The following PDE4D variants were observed in gnomAD, a reference collection of about 807,000 sequenced individuals.
PDE4D encodes 3',5'-cyclic-AMP phosphodiesterase 4D.
A neutral mutation model predicts 87.4 loss-of-function variants in PDE4D; 24 were observed. That is an observed-to-expected ratio of 0.27 (90% confidence interval 0.20 to 0.39). The LOEUF (loss-of-function observed/expected upper bound fraction) is 0.39, where lower values mean the gene tolerates loss of function less well. Among genes scored for constraint, PDE4D ranks in the 10% least tolerant of loss-of-function variants. PDE4D has a pLI of 1.00. For missense variants in PDE4D, 714 were observed against 1,041.0 expected, an observed-to-expected ratio of 0.69 and a Z score of 4.32; for synonymous variants, 384 against 383.2, an observed-to-expected ratio of 1.00 and a Z score of -0.02.
At chr5:59,821,448 T>A (rs1260790996) in intron 1 of PDE4D, among the ~76,000 whole-genome samples, 1 of 148,432 alleles carries the variant, frequency 6.7e-6, no homozygotes, top group African/African-American at 2.6e-5. Context: ...CACACTTACA[T>A]TGAATGAATA....
intron 5 of PDE4D, among the ~76,000 whole-genome samples, chr5:59,055,327 T>G (rs1225764339): frequency 6.6e-6 from 1 of 152,140 alleles, no homozygotes; most frequent in Non-Finnish European, 1.5e-5. Flanking sequence ...TAATAATAAT[T>G]ATTATGATAT....
At chr5:59,414,174 C>T (rs966081451) in intron 1 of PDE4D, among the ~76,000 whole-genome samples, 2 of 152,178 alleles carry the variant, frequency 1.3e-5, no homozygotes, top group African/African-American at 4.8e-5. Flanking sequence ...CCAGTGCACA[C>T]GTTATTCTTA....
chr5:60,287,841 T>C (rs1752547798), intron 1 of PDE4D, among the ~76,000 whole-genome samples: 3 of 152,198 alleles, frequency 2.0e-5, no homozygotes, highest in South Asian at 4.1e-4. Flanking sequence ...ATATTTTATT[T>C]GATTATTGCT....
chr5:59,516,582 T>C (rs888401640), intron 1 of PDE4D, among the ~76,000 whole-genome samples: 1 of 152,204 alleles, frequency 6.6e-6, no homozygotes, highest in Non-Finnish European at 1.5e-5. Flanking sequence ...TTTTTAAGAA[T>C]CATTCTTTTC....
intron 1 of PDE4D, among the ~76,000 whole-genome samples, chr5:59,771,398 A>G (rs1763421590): frequency 6.7e-6 from 1 of 149,718 alleles, no homozygotes; most frequent in African/African-American, 2.5e-5. Flanking sequence ...ACAGAGCGAG[A>G]CTCCATCTCA....
intron 5 of PDE4D, among the ~76,000 whole-genome samples, chr5:59,136,865 C>T (rs1777149682): frequency 6.6e-6 from 1 of 152,156 alleles, no homozygotes; most frequent in Admixed American, 6.5e-5. Flanking sequence ...AAGATCACTG[C>T]AATTTTCAAA....
chr5:59,907,085 G>A (rs950122730), intron 3 of PDE4D, among the ~76,000 whole-genome samples: 1 of 152,094 alleles, frequency 6.6e-6, no homozygotes, highest in Non-Finnish European at 1.5e-5. Flanking sequence ...GCGGGAACAC[G>A]GATGGAGTTG....
In PDE4D at chr5:58,974,589, TTGTGGCA is replaced by T; in HGVS notation, c.*68_*74del. The T allele has an allele frequency of 4.4e-6, 6 of 1,362,006 alleles. No homozygotes were observed. The highest frequency in any genetic ancestry group is 6.0e-6 in the Non-Finnish European group (6 of 999,836). 84.4% of individuals were successfully genotyped at this position (1,362,006 alleles called of 1,614,324 possible). A position where few individuals can be genotyped will look rare whatever the true frequency, so the allele number is the denominator to read the frequency against. Reference sequence around the variant, plus strand: ...AGATGACAGTGAGGTGTGACCGTGGTTGTGGCATGTGACATGCACTTTGGAAACAATT... The same window carrying T: ...AGATGACAGTGAGGTGTGACCGTGGTTGTGACATGCACTTTGGAAACAATT... On this transcript the variant is annotated 3_prime_UTR_variant, in exon 15 of 15. Coordinates refer to ENST00000340635, the MANE Select transcript of PDE4D (RefSeq NM_001104631.2).
chr5:60,374,250 C>T (rs1314216776), intron 1 of PDE4D, among the ~76,000 whole-genome samples: 1 of 152,036 alleles, frequency 6.6e-6, no homozygotes, highest in Non-Finnish European at 1.5e-5. Flanking sequence ...CTCCTACATG[C>T]CTATAAATTC....
intron 1 of PDE4D, among the ~76,000 whole-genome samples, chr5:60,409,872 G>A (rs1182570150): frequency 8.3e-5 from 11 of 132,340 alleles, no homozygotes; most frequent in Non-Finnish European, 1.6e-5. Flanking sequence ...CTCATCCCAG[G>A]AGTGTGAGAA....
rs145653788 is a variant in PDE4D at position 59,917,509 on chromosome 5, C to G, written c.272+70979G>C. Among the ~76,000 whole-genome samples, 348 of 152,302 alleles carry G rather than the reference C, an allele frequency of 2.3e-3. 1 individual carries two copies. The highest frequency in any genetic ancestry group is 8.0e-3 in the African/African-American group (332 of 41,546). On this transcript the variant is annotated intron_variant, in intron 3 of 16. Transcript: ENST00000502484. ...GCCAGTAAACTGTGATACAGAAGACCTGGACTCCAATCCCAATTTTAGGAT... is the reference window on the plus strand; with the variant it reads ...GCCAGTAAACTGTGATACAGAAGACGTGGACTCCAATCCCAATTTTAGGAT...
chr5:59,179,231 C>T (rs1020966710), intron 5 of PDE4D, among the ~76,000 whole-genome samples: 8 of 152,076 alleles, frequency 5.3e-5, no homozygotes, highest in Non-Finnish European at 1.0e-4. Flanking sequence ...CTCAGATTCC[C>T]GAGTAGCTTG....
At chr5:59,429,535 T>A (rs1795799026) in intron 1 of PDE4D, among the ~76,000 whole-genome samples, 2 of 152,098 alleles carry the variant, frequency 1.3e-5, no homozygotes, top group African/African-American at 4.8e-5. Flanking sequence ...GTAATGACAG[T>A]TTCCAAGTAA....
chr5:59,729,137 A>C (rs1245489378), intron 1 of PDE4D, among the ~76,000 whole-genome samples: 1 of 152,136 alleles, frequency 6.6e-6, no homozygotes, highest in Non-Finnish European at 1.5e-5. Context: ...TTCTGAACAG[A>C]ATAATTCCAG....
intron 6 of PDE4D, among the ~76,000 whole-genome samples, chr5:59,031,415 T>A (rs75841087): frequency 1.3e-3 from 126 of 93,548 alleles, no homozygotes; most frequent in African/African-American, 4.4e-3. Flanking sequence ...TATATATATA[T>A]AGATTATACA....
chr5:60,130,232 A>G (rs1285421684), intron 2 of PDE4D, among the ~76,000 whole-genome samples: 1 of 152,200 alleles, frequency 6.6e-6, no homozygotes, highest in Non-Finnish European at 1.5e-5. Flanking sequence ...AAATGGACTT[A>G]GACAGCTCTA....
chr5:59,527,033 T>A (rs979818535), intron 1 of PDE4D, among the ~76,000 whole-genome samples: 4 of 152,328 alleles, frequency 2.6e-5, no homozygotes, highest in African/African-American at 4.8e-5. Context: ...TGGGAAATTT[T>A]AAAATTTTTT....
intron 1 of PDE4D, among the ~76,000 whole-genome samples, chr5:60,461,810 G>A (rs1338142469): frequency 6.6e-6 from 1 of 152,166 alleles, no homozygotes; most frequent in African/African-American, 2.4e-5. Context: ...CTACAAAATA[G>A]AGTTGTTACC....
intron 3 of PDE4D, among the ~76,000 whole-genome samples, chr5:59,969,693 C>T (rs900479687): frequency 6.6e-6 from 1 of 152,094 alleles, no homozygotes; most frequent in Non-Finnish European, 1.5e-5. Flanking sequence ...ATACTGTTCT[C>T]GTGATAGTGA....
Sources: gnomAD v4.1 joint callset for allele counts (sites outside exome capture counted in the v4.1 genomes callset) on GRCh38, gnomAD v4.1.1 for gene constraint, MANE v1.5 for transcripts, NCBI Gene and HGNC (gene_info 2026-07-23, HGNC 2026-07-21) for gene names.